HOXA3: variants seen among roughly 807,000 people sequenced by gnomAD.
HOXA3 encodes homeobox protein Hox-A3.
Under a neutral mutation model 30.3 loss-of-function variants are expected in HOXA3, and 8 were observed. The observed-to-expected ratio is 0.26, with a 90% CI of 0.15 to 0.48. HOXA3 has a LOEUF of 0.48. Among genes scored for constraint, HOXA3 ranks in the 20% least tolerant of loss-of-function variants. The pLI, the probability that HOXA3 is intolerant of heterozygous loss-of-function variation, is 0.99. For synonymous variants in HOXA3, 323 were observed against 273.1 expected (o/e 1.18, Z -1.80); for missense variants, 653 against 614.4 (o/e 1.06, Z -0.66).
chr7:27,129,411 G>C (rs1248322701), intron 2 of HOXA3: 1 of 1,614,056 alleles, frequency 6.2e-7, no homozygotes, highest in Non-Finnish European at 8.5e-7. Flanking sequence ...ACCAGATCTT[G>C]ACCTGGCGCT....
intron 1 of HOXA3, chr7:27,147,351 C>T (rs764874830): frequency 6.2e-7 from 1 of 1,614,170 alleles, no homozygotes; most frequent in African/African-American, 1.3e-5. Context: ...AAACCGGGCT[C>T]GTGTACTTCC....
chr7:27,147,241 C>T, intron 1 of HOXA3: 2 of 1,401,774 alleles, frequency 1.4e-6, no homozygotes, highest in East Asian at 2.3e-5. Context: ...TACTCTGTTT[C>T]CTCCTTCTTT....
chr7:27,134,628 C>T (rs1785661709), intron 2 of HOXA3, among the ~76,000 whole-genome samples: 1 of 152,224 alleles, frequency 6.6e-6, no homozygotes, highest in African/African-American at 2.4e-5. Flanking sequence ...ATGTTCACTG[C>T]TGCAACAGCA....
At chr7:27,125,096 G>C (rs1026909736) in intron 3 of HOXA3, among the ~76,000 whole-genome samples, 1 of 152,204 alleles carries the variant, frequency 6.6e-6, no homozygotes, top group Non-Finnish European at 1.5e-5. Flanking sequence ...TGACCGTCCA[G>C]GTCAAGTGTA....
At chr7:27,151,855 C>T (rs958053844) in intron 1 of HOXA3, among the ~76,000 whole-genome samples, 1 of 152,082 alleles carries the variant, frequency 6.6e-6, no homozygotes, top group Non-Finnish European at 1.5e-5. Context: ...CCAACAAAAC[C>T]AAATAGGGCC....
rs750925696 is a variant in HOXA3, at chr7:27,147,434, A to T, written c.-494+4854T>A. On this transcript the variant is annotated intron_variant, in intron 1 of 5. Coordinates refer to ENST00000612286, the MANE Select transcript of HOXA3 (RefSeq NM_153631.3). ...TCGGGTTTGTACTGCTGCTCGGGAG[A>T]AAAGTGCAGGTAGTCCCCGGGGCCC... 3.1e-6 allele frequency: 5 copies of T among 1,613,918 alleles called. No individual in the cohort carries two copies. Among genetic ancestry groups the T allele is most frequent in the Non-Finnish European group, 4.2e-6 (5 of 1,179,994 alleles).
chr7:27,149,373 C>T (rs1426740399), intron 1 of HOXA3, among the ~76,000 whole-genome samples: 1 of 152,252 alleles, frequency 6.6e-6, no homozygotes, highest in Non-Finnish European at 1.5e-5. Flanking sequence ...AATGCAGGCT[C>T]ACCCGGTTCA....
At chr7:27,128,431 A>G (rs1327746753) in intron 2 of HOXA3, 1 of 152,256 alleles carries the variant, frequency 6.6e-6, no homozygotes, top group African/African-American at 2.4e-5. Flanking sequence ...AGCTATCTAC[A>G]AGGTTTTTAC....
At chr7:27,130,467 C>T (rs1158316400) in intron 2 of HOXA3, 1 of 1,250,222 alleles carries the variant, frequency 8.0e-7, no homozygotes. Context: ...GCGCGGGGTA[C>T]AGCGCGGCAG....
intron 2 of HOXA3, among the ~76,000 whole-genome samples, chr7:27,133,891 T>C (rs1425655733): frequency 6.6e-6 from 1 of 152,194 alleles, no homozygotes; most frequent in Non-Finnish European, 1.5e-5. Flanking sequence ...ATTTTCATAT[T>C]TGTTAGACGC....
intron 1 of HOXA3, chr7:27,147,266 C>T: frequency 1.3e-6 from 2 of 1,532,992 alleles, no homozygotes; most frequent in South Asian, 1.2e-5. Flanking sequence ...CTTTTCCTGC[C>T]TCCTTTCCCC....
At chr7:27,137,454 G>A (rs916869868) in intron 2 of HOXA3, among the ~76,000 whole-genome samples, 8 of 152,200 alleles carry the variant, frequency 5.3e-5, no homozygotes, top group African/African-American at 1.9e-4. Context: ...GCCACCGGCT[G>A]AGGCTGGATG....
intron 2 of HOXA3, among the ~76,000 whole-genome samples, chr7:27,139,472 G>C (rs1300138913): frequency 6.6e-6 from 1 of 152,196 alleles, no homozygotes; most frequent in East Asian, 1.9e-4. Context: ...TCCCGCTCTC[G>C]CGAGCTAGCC....
intron 2 of HOXA3, among the ~76,000 whole-genome samples, chr7:27,134,562 G>C (rs1785659653): frequency 6.6e-6 from 1 of 152,210 alleles, no homozygotes; most frequent in Non-Finnish European, 1.5e-5. Flanking sequence ...TAATTGTCTT[G>C]TTGACTCATC....
intron 3 of HOXA3, chr7:27,124,064 T>A (rs1295441350): frequency 4.6e-5 from 7 of 152,222 alleles, no homozygotes; most frequent in Admixed American, 4.6e-4. Flanking sequence ...CTTAGGAGTA[T>A]GTAATTATTA....
rs770199942 is a variant in HOXA3, at chr7:27,108,152, G to A, written c.1095C>T (p.Val365=). 1 of 1,584,120 alleles carries A rather than the reference G, an allele frequency of 6.3e-7. No individual in the cohort carries two copies. The highest frequency in any genetic ancestry group is 2.3e-5 in the East Asian group (1 of 44,356). The change falls in exon 6 of 6, where the codon GTC becomes GTT. Residue 365 remains valine, a synonymous_variant. Transcript: ENST00000612286. The surrounding 1 kb of genome is among the most constrained non-coding windows in gnomAD (Gnocchi z 5.0). The part of the protein sequence containing the change: ...YGTPHIQGSP[V]FVGGSYVEPM... ...GCTCCACATAGCTGCCCCCCACGAA[G>A]ACGGGGCTTCCCTGTATGTGTGGGG...
chr7:27,141,518 T>C, intron 1 of HOXA3: 1 of 179,392 alleles, frequency 5.6e-6, no homozygotes, highest in South Asian at 8.6e-5. Flanking sequence ...AAGGGGGACT[T>C]TTTGTGTGTT....
At chr7:27,146,087 C>T (rs1782753009) in intron 1 of HOXA3, among the ~76,000 whole-genome samples, 1 of 152,218 alleles carries the variant, frequency 6.6e-6, no homozygotes, top group South Asian at 2.1e-4. Context: ...TTATTTCATA[C>T]CAAGCGAGAT....
chr7:27,117,630 G>A (rs1416502466), intron 4 of HOXA3, among the ~76,000 whole-genome samples: 3 of 152,146 alleles, frequency 2.0e-5, no homozygotes, highest in South Asian at 4.1e-4. Context: ...AAATGGCAGC[G>A]CATCTGCACA....
Sources: allele counts gnomAD v4.1 joint callset (sites outside exome capture counted in the v4.1 genomes callset), GRCh38; gene constraint gnomAD v4.1.1; non-coding constraint Gnocchi (gnomAD v3.1); transcripts MANE v1.5; gene names NCBI Gene and HGNC (gene_info 2026-07-23, HGNC 2026-07-21).